ARHGEF1: variants seen among roughly 807,000 people sequenced by gnomAD.
ARHGEF1 encodes the protein Rho guanine nucleotide exchange factor 1.
In ARHGEF1, 40 loss-of-function variants were observed where a neutral mutation model predicts 119.7. The ratio of observed to expected loss-of-function variants is 0.33; its 90% CI spans 0.26 to 0.44. ARHGEF1 has a LOEUF of 0.44. Ranked by LOEUF, ARHGEF1 falls within the 20% of genes least tolerant of loss-of-function variation. The pLI is 1.00. For synonymous variants in ARHGEF1, 494 were observed against 521.0 expected, an observed-to-expected ratio of 0.95 and a Z score of 0.71; for missense variants, 976 against 1,268.3, an observed-to-expected ratio of 0.77 and a Z score of 3.50.
In ARHGEF1 at chr19:41,902,826, G is replaced by A; in HGVS notation, c.1666G>A (p.Asp556Asn). 1 of 1,613,328 alleles carries A rather than the reference G, an allele frequency of 6.2e-7. No homozygotes were observed. The highest frequency in any genetic ancestry group is 8.5e-7 in the Non-Finnish European group (1 of 1,180,030). The change falls in exon 18 of 29, where the codon GAC becomes AAC. Residue 556 changes from aspartate to asparagine, a missense_variant. Asp to Asn is a conservative substitution (Grantham distance 23). Around this residue, in one of 3 missense-constraint regions of ARHGEF1, gnomAD observed 286 missense variants for 506.8 expected, o/e 0.56. Transcript: ENST00000354532. This position sits in a 1 kb window ranked among gnomAD's most constrained non-coding sequence, Gnocchi z 6.5. ...RPRCRRLQLK[D>N]MIPTEMQRLT... ...GCGGTGCCGCCGCCTGCAGCTGAAG[G>A]ACATGATCCCCACGGAGATGCAGCG...
downstream of ARHGEF1, chr19:41,909,496 G>T: frequency 8.0e-7 from 1 of 1,251,538 alleles, no homozygotes; most frequent in South Asian, 3.7e-5. The surrounding 1 kb of genome is among the most constrained non-coding windows in gnomAD (Gnocchi z 5.2). Flanking sequence ...GTGGTGTTGG[G>T]GAGGTGCAGG....
chr19:41,909,270 A>G, downstream of ARHGEF1: 4 of 1,230,170 alleles, frequency 3.3e-6, no homozygotes, highest in Non-Finnish European at 4.0e-6. The surrounding 1 kb of genome is among the most constrained non-coding windows in gnomAD (Gnocchi z 5.2). Context: ...CAGTACCCAG[A>G]CTCACCTCAG....
chr19:41,894,696 G>A lies in ARHGEF1; in HGVS notation c.877+35G>A, dbSNP rs144864376. The stretch of plus-strand genomic sequence containing the variant: ...CTGTAGCCATAGCATCCATACTGGG[G>A]GCCTGTGTGGGAGAGGCTAGGACCT... On this transcript the variant is annotated intron_variant, in intron 11 of 28. Transcript: ENST00000354532. 4.6e-4 allele frequency: 747 copies of A among 1,612,298 alleles called. 7 individuals are homozygous for A. In the East Asian group the frequency reaches 0.016, roughly 35 times the overall value.
chr19:41,884,431 G>A (rs782609268), intron 1 of ARHGEF1: 6 of 1,602,800 alleles, frequency 3.7e-6, no homozygotes, highest in Middle Eastern at 3.4e-4. Flanking sequence ...GGAGAGTGCG[G>A]AGCCCGAGCG....
Position 41,898,514 on chromosome 19 carries a change from G to A in ARHGEF1, c.1194G>A (p.Trp398Ter). The A allele has an allele frequency of 6.4e-7, 1 of 1,558,212 alleles. No individual in the cohort carries two copies. Among genetic ancestry groups the A allele is most frequent in the Non-Finnish European group, 8.7e-7 (1 of 1,151,210 alleles). Residue 398 changes from tryptophan (W) to a stop codon, truncating the protein, a stop_gained, in exon 14 of 29, where the codon TGG becomes TGA. Transcript: ENST00000354532. LOFTEE classifies it high-confidence loss of function. ...LELEPEEPPGWRELVPPDTLH... is the reference protein window; with the variant it reads ...LELEPEEPPG ...TTGAACCAGAAGAGCCTCCCGGCTGGCGGGAACTCGTCCCCCCAGACACCC... is the reference window on the plus strand; with the variant it reads ...TTGAACCAGAAGAGCCTCCCGGCTGACGGGAACTCGTCCCCCCAGACACCC...
upstream of ARHGEF1, among the ~76,000 whole-genome samples, chr19:41,918,954 A>G (rs1197812714): frequency 6.7e-6 from 1 of 150,278 alleles, no homozygotes; most frequent in Non-Finnish European, 1.5e-5. Flanking sequence ...CACCATACAC[A>G]CATGCACACC....
chr19:41,909,438 G>C, downstream of ARHGEF1: 1 of 1,237,976 alleles, frequency 8.1e-7, no homozygotes. The surrounding 1 kb of genome is among the most constrained non-coding windows in gnomAD (Gnocchi z 5.2). Flanking sequence ...TCTTCCCTTT[G>C]GTCTTGTGGA....
downstream of ARHGEF1, among the ~76,000 whole-genome samples, chr19:41,912,314 A>T (rs907915076): frequency 1.3e-4 from 19 of 151,776 alleles, no homozygotes; most frequent in Admixed American, 3.3e-4. Context: ...TCTGTCTCTC[A>T]CACACACACA....
chr19:41,897,286 C>T, intron 13 of ARHGEF1: 1 of 1,280,510 alleles, frequency 7.8e-7, no homozygotes, highest in Non-Finnish European at 1.0e-6. Flanking sequence ...TCTGGGCCCA[C>T]CTCTGACCCT....
In ARHGEF1 at chr19:41,915,159, T is replaced by C. The variant is rs1417003249; in HGVS notation, c.1866-7933T>C. ...CCCCACCCCCTATTGGCCCCTCTCA[T>C]TTCCGTGTTGGTTTTGATTTCTCTT... On this transcript the variant is annotated intron_variant, in intron 18 of 20. Coordinates refer to the ARHGEF1 transcript ENST00000599589. Among the ~76,000 whole-genome samples, 4 of 77,214 alleles carry C rather than the reference T, an allele frequency of 5.2e-5. No individual in the cohort carries two copies. The Admixed American group carries it at 5.7e-4, about 11-fold the overall frequency. The allele number at this position is 77,214 out of a possible 152,430, so 50.7% of individuals were successfully genotyped here.
chr19:41,919,533 ACACG>A (rs1555852243), upstream of ARHGEF1, among the ~76,000 whole-genome samples: 1 of 151,768 alleles, frequency 6.6e-6, no homozygotes, highest in African/African-American at 2.4e-5. Context: ...ACACACACAC[ACACG>A]TCCACATCTG....
rs1555850187 is a variant in ARHGEF1, at chr19:41,906,446, C to A, written c.2492-11C>A. On this transcript the variant is annotated splice_polypyrimidine_tract_variant and intron_variant, in intron 26 of 28. Coordinates refer to ENST00000354532, the MANE Select transcript of ARHGEF1 (RefSeq NM_004706.4). The surrounding 1 kb of genome is among the most constrained non-coding windows in gnomAD (Gnocchi z 4.5). ...GGTCTCCTGACTCCACCCCTCCTTG[C>A]CCCTGGCCAGTGCTGTCCCTGAAGC... 1.3e-6 allele frequency: 2 copies of A among 1,549,558 alleles called. No homozygotes were observed. Among genetic ancestry groups the A allele is most frequent in the South Asian group, 1.2e-5 (1 of 81,066 alleles).
chr19:41,928,065 G>A (rs919940420), intron 1 of ARHGEF1: 1 of 152,154 alleles, frequency 6.6e-6, no homozygotes, highest in Non-Finnish European at 1.5e-5. Flanking sequence ...CATCCGCTCC[G>A]GTCCGGGGAG....
At chr19:41,914,080 C>CA (rs1203766963) in intron 18 of ARHGEF1, among the ~76,000 whole-genome samples, 1 of 20 alleles carries the variant, frequency 0.05, no homozygotes, top group Non-Finnish European at 0.083. Flanking sequence ...GCCCCGCCTA[C>CA]CCCTGGACAC....
chr19:41,919,516 C>CAG (rs1310546905), upstream of ARHGEF1, among the ~76,000 whole-genome samples: 1 of 149,424 alleles, frequency 6.7e-6, no homozygotes, highest in East Asian at 1.9e-4. Context: ...CACGCGTACA[C>CAG]ACACACACAC....
intron 18 of ARHGEF1, among the ~76,000 whole-genome samples, chr19:41,913,123 G>A (rs2074763941): frequency 6.7e-6 from 1 of 149,496 alleles, no homozygotes; most frequent in South Asian, 2.1e-4. Context: ...TCCCGGCCCC[G>A]AGACCCCGTT....
upstream of ARHGEF1, among the ~76,000 whole-genome samples, chr19:41,919,013 A>G (rs1438587538): frequency 1.3e-5 from 2 of 151,212 alleles, no homozygotes; most frequent in African/African-American, 2.4e-5. Context: ...CATCACATAC[A>G]CACCATGCCA....
At position 41,916,207 on chromosome 19, in the gene ARHGEF1, C is replaced by G. The variant is rs1296128130; in HGVS notation, c.1866-6885C>G. On this transcript the variant is annotated intron_variant, in intron 18 of 20. Coordinates refer to the ARHGEF1 transcript ENST00000599589. The surrounding 1 kb of genome is among the most constrained non-coding windows in gnomAD (Gnocchi z 5.4). ...CCACCACGTCCCACACAGCACACAT[C>G]GCACAGATGCACACACCAGCACAGC... Among the ~76,000 whole-genome samples the G allele has an allele frequency of 1.3e-5, 2 of 151,870 alleles. No homozygotes were observed. The highest frequency in any genetic ancestry group is 2.9e-5 in the Non-Finnish European group (2 of 67,952).
chr19:41,914,774 C>T (rs868974110), intron 18 of ARHGEF1, among the ~76,000 whole-genome samples: 2 of 33,388 alleles, frequency 6.0e-5, no homozygotes, highest in Non-Finnish European at 1.2e-4. Context: ...GTCTCTGTCT[C>T]TCCCTCCCCT....
Sources: allele counts gnomAD v4.1 joint callset (sites outside exome capture counted in the v4.1 genomes callset), GRCh38; gene constraint gnomAD v4.1.1; regional missense constraint gnomAD v4.1.1; non-coding constraint Gnocchi (gnomAD v3.1); transcripts MANE v1.5; gene names NCBI Gene and HGNC (gene_info 2026-07-23, HGNC 2026-07-21).